Variants in STPG2 observed in about 807,000 individuals in gnomAD.
STPG2 encodes sperm tail PG-rich repeat containing 2, also known as sperm-tail PG-rich repeat-containing protein 2.
A neutral mutation model predicts 54.2 loss-of-function variants in STPG2; 56 were observed. That is an observed-to-expected ratio of 1.03 (90% CI 0.83 to 1.29). The LOEUF is 1.29. STPG2 is among the 50% of genes most tolerant of loss of function. The pLI is 0.00. For missense variants in STPG2, 596 were observed against 544.9 expected (o/e 1.09, Z -0.93); for synonymous variants, 200 against 181.8 (o/e 1.10, Z -0.81).
chr4:97,976,527 T>C (rs1015632667), intron 6 of STPG2, among the ~76,000 whole-genome samples: 1 of 152,112 alleles, frequency 6.6e-6, no homozygotes, highest in Non-Finnish European at 1.5e-5. Context: ...TCATTAAGTA[T>C]AGAAATGCCC....
At chr4:97,690,768 A>G (rs1223251753) in intron 10 of STPG2, among the ~76,000 whole-genome samples, 3 of 152,218 alleles carry the variant, frequency 2.0e-5, no homozygotes, top group Non-Finnish European at 4.4e-5. Context: ...CTAAGAAAGA[A>G]AGCTGCATTA....
At chr4:97,499,533 G>A (rs1730680872) in intron 4 of STPG2, among the ~76,000 whole-genome samples, 1 of 151,762 alleles carries the variant, frequency 6.6e-6, no homozygotes, top group African/African-American at 2.4e-5. Flanking sequence ...TTTTCTTCAT[G>A]GCATTGATCA....
intron 4 of STPG2, among the ~76,000 whole-genome samples, chr4:97,545,391 C>T (rs931512852): frequency 2.0e-5 from 3 of 152,096 alleles, no homozygotes; most frequent in African/African-American, 2.4e-5. Context: ...GTCCCAGGAG[C>T]TTTTCACTTT....
intron 4 of STPG2, among the ~76,000 whole-genome samples, chr4:97,488,860 A>G (rs1299397854): frequency 6.6e-6 from 1 of 151,724 alleles, no homozygotes; most frequent in Non-Finnish European, 1.5e-5. Context: ...TAAGTCAGAA[A>G]CTGTGATAGG....
At chr4:97,835,803 T>C (rs1032672278) in intron 9 of STPG2, among the ~76,000 whole-genome samples, 10 of 151,936 alleles carry the variant, frequency 6.6e-5, no homozygotes, top group Admixed American at 2.0e-4. Context: ...CAAACAGAAG[T>C]TTGAAAAAGG....
intron 4 of STPG2, among the ~76,000 whole-genome samples, chr4:97,456,579 G>A (rs1028417659): frequency 1.3e-5 from 2 of 151,986 alleles, no homozygotes; most frequent in African/African-American, 4.8e-5. Context: ...ATACAAAGAA[G>A]TCTTAAAACT....
At position 97,833,106 on chromosome 4, in the gene STPG2, A is replaced by T. The variant is rs538485841; in HGVS notation, c.1204+7667T>A. 7.2e-5 allele frequency among the ~76,000 whole-genome samples: 11 copies of T among 152,346 alleles called. No homozygotes were observed. In the South Asian group the frequency reaches 2.3e-3, roughly 32 times the overall value. On this transcript the variant is annotated intron_variant, in intron 9 of 10. Coordinates refer to ENST00000295268, the MANE Select transcript of STPG2 (RefSeq NM_174952.3). Reference sequence around the variant, plus strand: ...GGAGGCATCAGGCTACCTGACTTCAAACTATACTACAAGGCTACAGTAACA... The same window carrying T: ...GGAGGCATCAGGCTACCTGACTTCATACTATACTACAAGGCTACAGTAACA...
chr4:98,014,808 C>T (rs2149285428), intron 5 of STPG2, among the ~76,000 whole-genome samples: 1 of 152,144 alleles, frequency 6.6e-6, no homozygotes, highest in South Asian at 2.1e-4. Flanking sequence ...GTGATGAACT[C>T]CCATAATTTT....
At chr4:97,689,058 G>C (rs1723285846) in intron 10 of STPG2, among the ~76,000 whole-genome samples, 1 of 152,110 alleles carries the variant, frequency 6.6e-6, no homozygotes, top group South Asian at 2.1e-4. Context: ...TCACAAAAGA[G>C]GCTAAATAAC....
At chr4:97,814,011 GA>G (rs2149099106) in intron 9 of STPG2, among the ~76,000 whole-genome samples, 1 of 152,012 alleles carries the variant, frequency 6.6e-6, no homozygotes, top group South Asian at 2.1e-4. Flanking sequence ...ACTCTAAAAA[GA>G]ATTGCATATA....
intron 3 of STPG2, among the ~76,000 whole-genome samples, chr4:98,123,636 T>C (rs1739747207): frequency 1.3e-5 from 2 of 152,332 alleles, no homozygotes; most frequent in Admixed American, 6.5e-5. Context: ...TAAAGTGCCA[T>C]GTAGTGCCGA....
intron 8 of STPG2, among the ~76,000 whole-genome samples, chr4:97,864,393 G>A (rs1422613255): frequency 6.6e-6 from 1 of 152,066 alleles, no homozygotes; most frequent in Non-Finnish European, 1.5e-5. Context: ...GGGACGTGAA[G>A]GATCTCTTCA....
At chr4:97,930,833 T>G (rs1400045479) in intron 8 of STPG2, among the ~76,000 whole-genome samples, 1 of 152,184 alleles carries the variant, frequency 6.6e-6, no homozygotes, top group African/African-American at 2.4e-5. Context: ...TTCTATTTGT[T>G]TGTGTCTTCT....
chr4:97,768,880 T>C (rs1726136041), intron 9 of STPG2, among the ~76,000 whole-genome samples: 3 of 152,006 alleles, frequency 2.0e-5, no homozygotes, highest in Non-Finnish European at 2.9e-5. Flanking sequence ...TTTTGTATCT[T>C]AAGTAGAGAT....
intron 4 of STPG2, among the ~76,000 whole-genome samples, chr4:97,464,068 T>C (rs981026390): frequency 9.2e-5 from 14 of 152,182 alleles, no homozygotes; most frequent in Non-Finnish European, 1.5e-5. Context: ...AAAGCTGTTG[T>C]AAATATTTGC....
rs552961970 is a variant in STPG2 at position 98,046,971 on chromosome 4, C to T, written c.612+58982G>A. ...TGTTTCATCAGCTGCCAGATGTGAGCTAATTAAAGGCCCGACCCACAGGCA... is the reference window on the plus strand; with the variant it reads ...TGTTTCATCAGCTGCCAGATGTGAGTTAATTAAAGGCCCGACCCACAGGCA... On this transcript the variant is annotated intron_variant, in intron 5 of 10. Transcript: ENST00000295268. 1.2e-4 allele frequency among the ~76,000 whole-genome samples: 19 copies of T among 152,268 alleles called. 1 individual carries two copies. The South Asian group carries it at 3.3e-3, about 27-fold the overall frequency.
intron 4 of STPG2, among the ~76,000 whole-genome samples, chr4:97,459,030 T>A (rs1729593705): frequency 6.6e-6 from 1 of 152,118 alleles, no homozygotes; most frequent in Non-Finnish European, 1.5e-5. Flanking sequence ...AGGAAAATTA[T>A]CTTCATTGTT....
At chr4:97,502,730 C>T (rs1730753064) in intron 4 of STPG2, among the ~76,000 whole-genome samples, 1 of 150,814 alleles carries the variant, frequency 6.6e-6, no homozygotes, top group Non-Finnish European at 1.5e-5. Flanking sequence ...TAATATAAAC[C>T]CTGACAAAAA....
At chr4:97,989,327 G>A (rs531418333) in intron 5 of STPG2, among the ~76,000 whole-genome samples, 3 of 152,202 alleles carry the variant, frequency 2.0e-5, no homozygotes, top group African/African-American at 4.8e-5. Context: ...CAGATATGCC[G>A]TATTCTTCTT....
Sources: allele counts gnomAD v4.1 joint callset (sites outside exome capture counted in the v4.1 genomes callset), GRCh38; gene constraint gnomAD v4.1.1; transcripts MANE v1.5; gene names NCBI Gene and HGNC (gene_info 2026-07-23, HGNC 2026-07-21).